CAMK1D: variants seen among roughly 807,000 people sequenced by gnomAD.
CAMK1D encodes calcium/calmodulin-dependent protein kinase type 1D.
In CAMK1D, 9 loss-of-function variants were observed where a neutral mutation model predicts 47.7. That is an observed-to-expected ratio of 0.19 (90% confidence interval 0.11 to 0.33). The LOEUF (loss-of-function observed/expected upper bound fraction) is 0.33. Among genes scored for constraint, CAMK1D ranks in the 10% least tolerant of loss-of-function variants. The pLI is 1.00. For missense variants in CAMK1D, 291 were observed against 488.7 expected (o/e 0.60, Z 3.81); for synonymous variants, 184 against 184.9 (o/e 0.99, Z 0.04).
chr10:12,691,356 T>C lies in CAMK1D; in HGVS notation c.299+24546T>C, dbSNP rs1832872407. 3.2e-4 allele frequency among the ~76,000 whole-genome samples: 2 copies of C among 6,192 alleles called. 1 individual carries two copies. Among genetic ancestry groups the C allele is most frequent in the South Asian group, 0.011 (2 of 184 alleles). The allele number at this position is 6,192 out of a possible 152,430, so 4.1% of individuals were successfully genotyped here. ...CTACAGGGCTGAAGTTTTCTATATATATATATATATATATATATATAAATA... is the reference window on the plus strand; with the variant it reads ...CTACAGGGCTGAAGTTTTCTATATACATATATATATATATATATATAAATA... On this transcript the variant is annotated intron_variant, in intron 3 of 10. Coordinates refer to ENST00000619168, the MANE Select transcript of CAMK1D (RefSeq NM_153498.4).
intron 1 of CAMK1D, among the ~76,000 whole-genome samples, chr10:12,548,538 C>T (rs778299303): frequency 4.1e-4 from 59 of 144,710 alleles, no homozygotes; most frequent in Non-Finnish European, 7.4e-5. Context: ...GATCATGGCT[C>T]ACTGCAGCCT....
intron 1 of CAMK1D, among the ~76,000 whole-genome samples, chr10:12,547,465 G>T (rs1385136934): frequency 1.3e-5 from 2 of 152,196 alleles, no homozygotes; most frequent in Non-Finnish European, 2.9e-5. Context: ...CAGTGCTTGT[G>T]TTTTACAGCC....
chr10:12,710,516 G>A (rs567242573), intron 3 of CAMK1D, among the ~76,000 whole-genome samples: 4 of 152,322 alleles, frequency 2.6e-5, no homozygotes, highest in South Asian at 2.1e-4. Context: ...TCTTTTGTAC[G>A]TCAAAGTTTT....
At chr10:12,471,831 A>T (rs1833754652) in intron 1 of CAMK1D, among the ~76,000 whole-genome samples, 1 of 152,076 alleles carries the variant, frequency 6.6e-6, no homozygotes, top group Admixed American at 6.6e-5. Context: ...CAGGAGTTCA[A>T]GACCAGTCTG....
chr10:12,464,126 C>A (rs560642988), intron 1 of CAMK1D, among the ~76,000 whole-genome samples: 28 of 152,140 alleles, frequency 1.8e-4, no homozygotes, highest in Admixed American at 3.3e-4. Flanking sequence ...TAGATGGGGT[C>A]TGAAAACCTG....
Position 12,475,835 on chromosome 10 carries a change from C to T in CAMK1D, c.93-77390C>T, listed in dbSNP as rs142907416. On this transcript the variant is annotated intron_variant, in intron 1 of 10. Coordinates refer to ENST00000619168, the MANE Select transcript of CAMK1D (RefSeq NM_153498.4). ...TCGCACTTGTATTCAATAGGAACCA[C>T]AGTGAACATAGTTCATGCTAGAGGC... 1.9e-4 allele frequency among the ~76,000 whole-genome samples: 29 copies of T among 151,956 alleles called. No homozygotes were observed. In the East Asian group the frequency reaches 5.6e-3, roughly 29 times the overall value.
chr10:12,387,681 G>A (rs544806632), intron 1 of CAMK1D, among the ~76,000 whole-genome samples: 221 of 150,210 alleles, frequency 1.5e-3, no homozygotes, highest in Middle Eastern at 0.01. Flanking sequence ...GTAGAGATGG[G>A]TTCTCGCTAT....
intron 1 of CAMK1D, among the ~76,000 whole-genome samples, chr10:12,549,480 G>A (rs1426917258): frequency 3.9e-5 from 6 of 152,186 alleles, no homozygotes; most frequent in East Asian, 1.9e-4. Flanking sequence ...TTGCCACCAC[G>A]TGGCTGTTGT....
chr10:12,802,731 A>G (rs773223474), intron 6 of CAMK1D, among the ~76,000 whole-genome samples: 2 of 152,220 alleles, frequency 1.3e-5, no homozygotes, highest in African/African-American at 2.4e-5. Flanking sequence ...CATGTTGGCC[A>G]GGCTGGTCTT....
chr10:12,359,321 C>G (rs959098271), intron 1 of CAMK1D, among the ~76,000 whole-genome samples: 1 of 152,220 alleles, frequency 6.6e-6, no homozygotes, highest in African/African-American at 2.4e-5. Context: ...TCATTTATCC[C>G]TGCCCCTCAG....
chr10:12,661,485 A>G (rs557636816), intron 2 of CAMK1D, among the ~76,000 whole-genome samples: 1 of 152,372 alleles, frequency 6.6e-6, no homozygotes, highest in Admixed American at 6.5e-5. Flanking sequence ...TTGAGAAAAT[A>G]ATACCTACTT....
intron 2 of CAMK1D, among the ~76,000 whole-genome samples, chr10:12,576,433 T>G (rs917321005): frequency 2.0e-5 from 3 of 152,168 alleles, no homozygotes; most frequent in African/African-American, 7.2e-5. Context: ...GGATGATTCA[T>G]GTGCATTACA....
intron 5 of CAMK1D, among the ~76,000 whole-genome samples, chr10:12,777,258 G>A (rs183112053): frequency 1.3e-5 from 2 of 152,144 alleles, no homozygotes; most frequent in African/African-American, 2.4e-5. Context: ...GAGTGCTGGC[G>A]GAGAGTGGCG....
intron 2 of CAMK1D, among the ~76,000 whole-genome samples, chr10:12,607,119 C>G (rs1182363797): frequency 6.6e-6 from 1 of 152,216 alleles, no homozygotes; most frequent in African/African-American, 2.4e-5. Flanking sequence ...GCCACCGCGC[C>G]TGGCCCAGAA....
chr10:12,640,411 C>T (rs144904144), intron 2 of CAMK1D, among the ~76,000 whole-genome samples: 23 of 152,262 alleles, frequency 1.5e-4, no homozygotes, highest in African/African-American at 4.6e-4. Context: ...GTAATATCTT[C>T]GTCACAGGTA....
At chr10:12,352,958 C>T (rs954054506) in intron 1 of CAMK1D, among the ~76,000 whole-genome samples, 1 of 152,108 alleles carries the variant, frequency 6.6e-6, no homozygotes, top group East Asian at 2.0e-4. Flanking sequence ...AGGATGGTCT[C>T]GATCTCCTGA....
rs1005619910 is a variant in CAMK1D at position 12,431,715 on chromosome 10, C to G, written c.92+81805C>G. On this transcript the variant is annotated intron_variant, in intron 1 of 10. Transcript: ENST00000619168. Reference sequence around the variant, plus strand: ...AGCCTCTGATCTCACCCGCATGACCCGGTCTGACTTTTCTCCTCTTCTTTT... The same window carrying G: ...AGCCTCTGATCTCACCCGCATGACCGGGTCTGACTTTTCTCCTCTTCTTTT... 2.0e-5 allele frequency among the ~76,000 whole-genome samples: 3 copies of G among 152,218 alleles called. No individual in the cohort carries two copies. The East Asian group carries it at 5.8e-4, about 29-fold the overall frequency.
At chr10:12,708,537 A>C (rs564140239) in intron 3 of CAMK1D, among the ~76,000 whole-genome samples, 1 of 152,328 alleles carries the variant, frequency 6.6e-6, no homozygotes, top group East Asian at 1.9e-4. Context: ...ATTAAGCTCC[A>C]TAATATACTT....
intron 3 of CAMK1D, among the ~76,000 whole-genome samples, chr10:12,698,576 A>G (rs777012232): frequency 5.3e-5 from 8 of 151,822 alleles, no homozygotes; most frequent in Non-Finnish European, 1.0e-4. Context: ...GCAACCATTT[A>G]GTTCATCCCT....
Sources: allele counts gnomAD v4.1 joint callset (sites outside exome capture counted in the v4.1 genomes callset), GRCh38; gene constraint gnomAD v4.1.1; transcripts MANE v1.5; gene names NCBI Gene and HGNC (gene_info 2026-07-23, HGNC 2026-07-21).